Variants in FREM2 observed in about 807,000 individuals in gnomAD.
FREM2 encodes FRAS1 related extracellular matrix 2.
FREM2 carries 119 observed loss-of-function variants against 219.9 expected under a neutral mutation model. The ratio of observed to expected loss-of-function variants is 0.54; its 90% confidence interval spans 0.47 to 0.63. The LOEUF is 0.63. Ranked by LOEUF, FREM2 falls within the 30% of genes least tolerant of loss-of-function variation. The pLI, the probability that FREM2 is intolerant of heterozygous loss-of-function variation, is 0.00. For synonymous variants in FREM2, 1,562 were observed against 1,522.8 expected (o/e 1.03, Z -0.60); for missense variants, 4,030 against 3,993.6 (o/e 1.01, Z -0.25).
At chr13:38,873,607 A>G (rs917953718) in intron 17 of FREM2, among the ~76,000 whole-genome samples, 1 of 126,584 alleles carries the variant, frequency 7.9e-6, no homozygotes, top group Non-Finnish European at 1.6e-5. Flanking sequence ...TCATAGTTCA[A>G]AGTCCACAAG....
At chr13:38,770,289 C>G (rs1169746564) in intron 4 of FREM2, among the ~76,000 whole-genome samples, 2 of 151,136 alleles carry the variant, frequency 1.3e-5, no homozygotes, top group Non-Finnish European at 2.9e-5. Context: ...AACTTCTGGC[C>G]TCGAGCTATC....
At chr13:38,779,040 C>G (rs1197195774) in intron 4 of FREM2, among the ~76,000 whole-genome samples, 2 of 152,048 alleles carry the variant, frequency 1.3e-5, no homozygotes, top group African/African-American at 4.8e-5. Context: ...TGGTGAAAAC[C>G]TTACTTCATA....
chr13:38,744,724 T>C (rs1318868830), intron 2 of FREM2, among the ~76,000 whole-genome samples: 3 of 152,180 alleles, frequency 2.0e-5, no homozygotes, highest in Admixed American at 1.3e-4. Context: ...ACTCCTGACC[T>C]CAGGTGATCC....
Position 38,688,430 on chromosome 13 carries a change from A to G in FREM2, c.1086A>G (p.Pro362=), listed in dbSNP as rs777127152. Residue 362 remains proline, a synonymous_variant, in exon 1 of 24, where the codon CCA becomes CCG. Coordinates refer to ENST00000280481, the MANE Select transcript of FREM2 (RefSeq NM_207361.6). ...SDLLIFNLTS[P]FQPGQGYLVS... The stretch of plus-strand genomic sequence containing the variant: ...TGTTGATCTTCAACCTTACTTCTCC[A>G]TTCCAGCCTGGCCAGGGCTACTTGG... The G allele has an allele frequency of 1.6e-5, 26 of 1,613,808 alleles. No homozygotes were observed. The highest frequency in any genetic ancestry group is 2.1e-5 in the Non-Finnish European group (25 of 1,179,936).
chr13:38,757,115 G>A (rs1453078319), intron 2 of FREM2, among the ~76,000 whole-genome samples: 1 of 152,130 alleles, frequency 6.6e-6, no homozygotes, highest in Non-Finnish European at 1.5e-5. Flanking sequence ...ATGAGAATCA[G>A]CCACATATTA....
Position 38,885,485 on chromosome 13 carries a change from A to G in FREM2, c.*4698A>G, listed in dbSNP as rs937168598. ...CAAAGCTGGTCCAGCCCTGACACCT[A>G]CTTTTGCTTTTTTTCTTTCTTTCTT... On this transcript the variant is annotated 3_prime_UTR_variant, in exon 24 of 24. Transcript: ENST00000280481. 2.6e-5 allele frequency: 4 copies of G among 152,052 alleles called. No homozygotes were observed. The highest frequency in any genetic ancestry group is 9.7e-5 in the African/African-American group (4 of 41,420). 9.4% of individuals were successfully genotyped at this position (152,052 alleles called of 1,614,324 possible). A position where few individuals can be genotyped will look rare whatever the true frequency, so the allele number is the denominator to read the frequency against.
chr13:38,790,514 G>A lies in FREM2; in HGVS notation c.6019+5706G>A, dbSNP rs1213466328. On this transcript the variant is annotated intron_variant, in intron 6 of 23. Transcript: ENST00000280481. Reference sequence around the variant, plus strand: ...ATTGCTGTTATAATTCACTAGAAAAGCTTTTATTGAGTGAAAATAACATGT... The same window carrying A: ...ATTGCTGTTATAATTCACTAGAAAAACTTTTATTGAGTGAAAATAACATGT... 2.0e-5 allele frequency among the ~76,000 whole-genome samples: 3 copies of A among 152,102 alleles called. No individual in the cohort carries two copies. In the East Asian group the frequency reaches 5.8e-4, roughly 29 times the overall value.
At chr13:38,725,387 A>G (rs1871475310) in intron 2 of FREM2, among the ~76,000 whole-genome samples, 1 of 152,220 alleles carries the variant, frequency 6.6e-6, no homozygotes, top group South Asian at 2.1e-4. Context: ...GAAACAAACA[A>G]GTGGGTAGCT....
rs1228460352 is a variant in FREM2, at chr13:38,882,318, G to A, written c.*1531G>A. 1 of 152,184 alleles carries A rather than the reference G, an allele frequency of 6.6e-6. No homozygotes were observed. Among genetic ancestry groups the A allele is most frequent in the Non-Finnish European group, 1.5e-5 (1 of 68,020 alleles). The allele number at this position is 152,184 out of a possible 1,614,324, so 9.4% of individuals were successfully genotyped here. ...TGGCTAGAATCCCCTTTGACTTCTA[G>A]CCATAAGCTGGCCACATTGGACATC... is the stretch of plus-strand genomic sequence containing the variant. On this transcript the variant is annotated 3_prime_UTR_variant, in exon 24 of 24. Transcript: ENST00000280481.
At chr13:38,695,199 G>A (rs1714664279) in intron 1 of FREM2, among the ~76,000 whole-genome samples, 1 of 152,136 alleles carries the variant, frequency 6.6e-6, no homozygotes, top group African/African-American at 2.4e-5. Context: ...ACATAAATAT[G>A]TAACGTGTGT....
chr13:38,769,781 A>G lies in FREM2; in HGVS notation c.5614A>G (p.Thr1872Ala). 1 of 1,614,024 alleles carries G rather than the reference A, an allele frequency of 6.2e-7. No homozygotes were observed. Among genetic ancestry groups the G allele is most frequent in the East Asian group, 2.2e-5 (1 of 44,868 alleles). Reference protein sequence around the residue: ...LAALEFPTVATVEIVDPGDEP... With the variant: ...LAALEFPTVAAVEIVDPGDEP... Reference sequence around the variant, plus strand: ...TGCCTTGGAATTCCCCACAGTCGCCACTGTTGAGATCGTTGATCCAGGAGA... The same window carrying G: ...TGCCTTGGAATTCCCCACAGTCGCCGCTGTTGAGATCGTTGATCCAGGAGA... The change falls in exon 4 of 24, where the codon ACT (threonine) becomes GCT (alanine). Residue 1872 changes from threonine (T) to alanine (A), a missense_variant. Coordinates refer to ENST00000280481, the MANE Select transcript of FREM2 (RefSeq NM_207361.6).
At chr13:38,788,391 A>G (rs905629932) in intron 6 of FREM2, among the ~76,000 whole-genome samples, 2 of 152,122 alleles carry the variant, frequency 1.3e-5, no homozygotes, top group Admixed American at 1.3e-4. Context: ...ATCTATTAAT[A>G]CTGTACCTTA....
intron 6 of FREM2, among the ~76,000 whole-genome samples, chr13:38,838,196 T>C (rs893309294): frequency 6.6e-6 from 1 of 152,168 alleles, no homozygotes; most frequent in African/African-American, 2.4e-5. Flanking sequence ...CTGTAAAAGA[T>C]TTTATTTCTC....
chr13:38,736,869 T>G (rs913256889), intron 2 of FREM2, among the ~76,000 whole-genome samples: 2 of 10,302 alleles, frequency 1.9e-4, no homozygotes, highest in East Asian at 2.0e-3. Flanking sequence ...AACCGTTTGT[T>G]TTTTTTTTCT....
At chr13:38,785,373 C>T (rs1329461565) in intron 6 of FREM2, among the ~76,000 whole-genome samples, 5 of 152,168 alleles carry the variant, frequency 3.3e-5, no homozygotes, top group African/African-American at 1.2e-4. Flanking sequence ...GCAAAAGGAT[C>T]TTAATCTCCC....
At chr13:38,742,973 GTTA>G (rs930793017) in intron 2 of FREM2, among the ~76,000 whole-genome samples, 1 of 152,170 alleles carries the variant, frequency 6.6e-6, no homozygotes, top group Admixed American at 6.5e-5. Flanking sequence ...CAATAATACT[GTTA>G]GCACTTTATG....
At chr13:38,874,668 C>G (rs2137936179) in intron 18 of FREM2, 82 bp downstream of exon 18, 1 of 1,075,246 alleles carries the variant, frequency 9.3e-7, no homozygotes, top group East Asian at 2.4e-5. Context: ...CAGCGTGCTT[C>G]TCTGTTACCA....
chr13:38,745,433 C>T (rs566566900), intron 2 of FREM2, among the ~76,000 whole-genome samples: 1 of 152,190 alleles, frequency 6.6e-6, no homozygotes, highest in South Asian at 2.1e-4. Context: ...AACATCTCAT[C>T]GTATACCTCT....
chr13:38,771,159 A>G (rs1455834778), intron 4 of FREM2, among the ~76,000 whole-genome samples: 1 of 151,904 alleles, frequency 6.6e-6, no homozygotes, highest in African/African-American at 2.4e-5. Flanking sequence ...TTAACTAACA[A>G]CTCTGCCTTT....
Sources: allele counts gnomAD v4.1 joint callset (sites outside exome capture counted in the v4.1 genomes callset), GRCh38; gene constraint gnomAD v4.1.1; transcripts MANE v1.5; gene names NCBI Gene and HGNC (gene_info 2026-07-23, HGNC 2026-07-21).